The following DPP10 variants were observed in gnomAD, a reference collection of about 807,000 sequenced individuals.
DPP10 encodes inactive dipeptidyl peptidase 10.
A neutral mutation model predicts 120.9 loss-of-function variants in DPP10; 33 were observed. The observed-to-expected ratio is 0.27, with a 90% confidence interval of 0.21 to 0.37. The LOEUF is 0.37. Ranked by LOEUF, DPP10 falls within the 10% of genes least tolerant of loss-of-function variation. The pLI, the probability that DPP10 is intolerant of heterozygous loss-of-function variation, is 1.00. For synonymous variants in DPP10, 337 were observed against 326.1 expected (o/e 1.03, Z -0.36); for missense variants, 816 against 942.8 (o/e 0.87, Z 1.76).
At chr2:114,489,872 T>C (rs1228624561) in intron 1 of DPP10, among the ~76,000 whole-genome samples, 1 of 152,202 alleles carries the variant, frequency 6.6e-6, no homozygotes, top group African/African-American at 2.4e-5. Context: ...TTCAGCAAGT[T>C]TGTTAACCCA....
intron 5 of DPP10, among the ~76,000 whole-genome samples, chr2:115,583,682 C>CAAAT (rs2082127555): frequency 6.6e-6 from 1 of 152,258 alleles, no homozygotes; most frequent in African/African-American, 2.4e-5. Context: ...TTCTACTGAT[C>CAAAT]AAATAGTCAC....
At chr2:114,930,139 T>C (rs1260589633) in intron 1 of DPP10, among the ~76,000 whole-genome samples, 2 of 152,258 alleles carry the variant, frequency 1.3e-5, no homozygotes, top group Non-Finnish European at 2.9e-5. Context: ...CTTTTTGACC[T>C]TTTTTTCTAT....
chr2:114,556,635 T>C (rs1441533938), intron 1 of DPP10, among the ~76,000 whole-genome samples: 1 of 152,008 alleles, frequency 6.6e-6, no homozygotes, highest in Non-Finnish European at 1.5e-5. Context: ...AGTGGTGAAA[T>C]GGCATTTAAG....
intron 1 of DPP10, among the ~76,000 whole-genome samples, chr2:114,630,188 T>C (rs1338049764): frequency 6.6e-6 from 1 of 152,196 alleles, no homozygotes; most frequent in South Asian, 2.1e-4. Flanking sequence ...AAGAACACAT[T>C]ATTAAATTTC....
intron 1 of DPP10, among the ~76,000 whole-genome samples, chr2:114,937,987 A>G (rs1287587836): frequency 6.6e-6 from 1 of 152,188 alleles, no homozygotes; most frequent in East Asian, 1.9e-4. Flanking sequence ...TTAAAAGAAT[A>G]CTCACCAACT....
intron 1 of DPP10, among the ~76,000 whole-genome samples, chr2:114,685,702 T>G (rs927861002): frequency 3.3e-5 from 5 of 152,026 alleles, no homozygotes; most frequent in Admixed American, 6.6e-5. Flanking sequence ...CTGATTTGTT[T>G]CTTTTCCTAA....
chr2:115,315,087 C>T (rs2061728140), intron 2 of DPP10, among the ~76,000 whole-genome samples: 1 of 151,902 alleles, frequency 6.6e-6, no homozygotes, highest in Non-Finnish European at 1.5e-5. Flanking sequence ...ACTAAATTGA[C>T]CTTGGTATTC....
At chr2:115,789,042 T>C (rs1256495861) in intron 17 of DPP10, among the ~76,000 whole-genome samples, 3 of 151,812 alleles carry the variant, frequency 2.0e-5, no homozygotes, top group Middle Eastern at 3.4e-3. Flanking sequence ...GGCATGAACC[T>C]GGGAGGCGGA....
At chr2:115,644,170 A>AT (rs1341368776) in intron 5 of DPP10, among the ~76,000 whole-genome samples, 1 of 151,830 alleles carries the variant, frequency 6.6e-6, no homozygotes, top group African/African-American at 2.4e-5. Context: ...ATATATATAT[A>AT]TTTTTATTAT....
At chr2:114,984,437 A>G (rs1700275278) in intron 1 of DPP10, among the ~76,000 whole-genome samples, 1 of 151,568 alleles carries the variant, frequency 6.6e-6, no homozygotes, top group East Asian at 1.9e-4. Flanking sequence ...AGAATAAAAA[A>G]GGAAAAAAAA....
At chr2:114,729,584 G>T (rs1436926610) in intron 1 of DPP10, among the ~76,000 whole-genome samples, 3 of 152,218 alleles carry the variant, frequency 2.0e-5, no homozygotes, top group Admixed American at 6.5e-5. Flanking sequence ...CTGGGAATTT[G>T]TCAGCAATAC....
intron 7 of DPP10, among the ~76,000 whole-genome samples, chr2:115,695,435 G>A (rs1310958953): frequency 6.6e-6 from 1 of 152,100 alleles, no homozygotes; most frequent in African/African-American, 2.4e-5. Flanking sequence ...ACATGGCTGG[G>A]GAGGCCTCAA....
intron 1 of DPP10, among the ~76,000 whole-genome samples, chr2:114,848,794 C>A (rs1002275349): frequency 6.6e-6 from 1 of 152,108 alleles, no homozygotes; most frequent in East Asian, 1.9e-4. Context: ...TTATGATGAC[C>A]TCTATGGGAG....
intron 4 of DPP10, among the ~76,000 whole-genome samples, chr2:115,500,090 C>G (rs1321163269): frequency 6.6e-6 from 1 of 151,904 alleles, no homozygotes; most frequent in Non-Finnish European, 1.5e-5. Context: ...TACCATTTTA[C>G]TTATTTTGTA....
chr2:115,084,749 G>A (rs1287981673), intron 1 of DPP10, among the ~76,000 whole-genome samples: 1 of 152,024 alleles, frequency 6.6e-6, no homozygotes, highest in Non-Finnish European at 1.5e-5. Flanking sequence ...GCCAGTTTGT[G>A]GTCCATATGC....
chr2:114,708,982 C>G (rs1574014095), intron 1 of DPP10, among the ~76,000 whole-genome samples: 1 of 152,184 alleles, frequency 6.6e-6, no homozygotes, highest in African/African-American at 2.4e-5. Flanking sequence ...TCTCGAACTC[C>G]TGGCCTCAAG....
intron 1 of DPP10, among the ~76,000 whole-genome samples, chr2:115,245,660 GA>G (rs1225408295): frequency 6.6e-6 from 1 of 151,880 alleles, no homozygotes. Context: ...GTCATTATAA[GA>G]AAAAAAGACC....
chr2:114,655,663 G>C (rs1216683721), intron 1 of DPP10, among the ~76,000 whole-genome samples: 1 of 151,974 alleles, frequency 6.6e-6, no homozygotes, highest in African/African-American at 2.4e-5. Context: ...TCTTTTCTTA[G>C]TCAACCTGCT....
intron 5 of DPP10, among the ~76,000 whole-genome samples, chr2:115,656,101 AAG>A (rs1269299779): frequency 6.6e-6 from 1 of 150,974 alleles, no homozygotes; most frequent in Non-Finnish European, 1.5e-5. Context: ...AAAATATGAT[AAG>A]AGTATACATC....
Sources: allele counts gnomAD v4.1 joint callset (sites outside exome capture counted in the v4.1 genomes callset), GRCh38; gene constraint gnomAD v4.1.1; transcripts MANE v1.5; gene names NCBI Gene and HGNC (gene_info 2026-07-23, HGNC 2026-07-21).